Variants in ROBO2 observed in about 807,000 individuals in gnomAD.
ROBO2 encodes roundabout guidance receptor 2, also known as roundabout homolog 2.
ROBO2 carries 53 observed loss-of-function variants against 160.8 expected under a neutral mutation model. The ratio of observed to expected loss-of-function variants is 0.33; its 90% CI spans 0.26 to 0.41. The LOEUF (loss-of-function observed/expected upper bound fraction) is 0.41, where lower values mean the gene tolerates loss of function less well. Ranked by LOEUF, ROBO2 falls within the 10% of genes least tolerant of loss-of-function variation. The pLI, the probability that ROBO2 is intolerant of heterozygous loss-of-function variation, is 1.00. For missense variants in ROBO2, 1,577 were observed against 1,722.4 expected (o/e 0.92, Z 1.49); for synonymous variants, 664 against 611.7 (o/e 1.09, Z -1.26).
chr3:76,165,346 A>ATTT (rs35750191), intron 2 of ROBO2, among the ~76,000 whole-genome samples: 3 of 148,664 alleles, frequency 2.0e-5, no homozygotes, highest in Non-Finnish European at 3.0e-5. Context: ...CTGGCTTCCC[A>ATTT]TTTTTTTTTT....
intron 6 of ROBO2, among the ~76,000 whole-genome samples, chr3:77,533,011 G>A (rs916152221): frequency 3.9e-5 from 6 of 152,016 alleles, no homozygotes; most frequent in African/African-American, 7.2e-5. Flanking sequence ...ATTTCGTTTT[G>A]CATAGATTTT....
intron 2 of ROBO2, among the ~76,000 whole-genome samples, chr3:76,419,763 T>C (rs910470027): frequency 1.5e-4 from 23 of 152,166 alleles, no homozygotes; most frequent in Admixed American, 1.2e-3. Flanking sequence ...ATGGGAATCA[T>C]GTAGCTGAAT....
chr3:76,569,532 C>T lies in ROBO2; in HGVS notation c.110-528482C>T, dbSNP rs186362695. On this transcript the variant is annotated intron_variant, in intron 2 of 26. Coordinates refer to the ROBO2 transcript ENST00000487694. ...GAAATTATAAACAATGAATTATGCA[C>T]ATATACTAGTTTTACTATATATGGA... Among the ~76,000 whole-genome samples, 167 of 152,174 alleles carry T rather than the reference C, an allele frequency of 1.1e-3. 1 individual carries two copies. The highest frequency in any genetic ancestry group is 1.4e-3 in the Non-Finnish European group (95 of 68,014).
intron 2 of ROBO2, among the ~76,000 whole-genome samples, chr3:76,186,374 C>T (rs1262961569): frequency 1.3e-5 from 2 of 152,064 alleles, no homozygotes; most frequent in South Asian, 2.1e-4. Flanking sequence ...GTTTCAATTC[C>T]ATAATGTACT....
chr3:76,477,965 T>G (rs753010752), intron 2 of ROBO2, among the ~76,000 whole-genome samples: 79 of 152,132 alleles, frequency 5.2e-4, no homozygotes, highest in Non-Finnish European at 9.1e-4. Flanking sequence ...TTCAAAAAAC[T>G]TCTCAGCCTT....
At chr3:77,232,929 T>C (rs2087421476) in intron 2 of ROBO2, among the ~76,000 whole-genome samples, 1 of 152,216 alleles carries the variant, frequency 6.6e-6, no homozygotes, top group Admixed American at 6.5e-5. Context: ...AAATTATATA[T>C]GATTTCATTT....
intron 2 of ROBO2, among the ~76,000 whole-genome samples, chr3:76,840,016 T>G (rs1029498148): frequency 3.3e-5 from 5 of 152,192 alleles, no homozygotes; most frequent in Non-Finnish European, 5.9e-5. Context: ...TATAAAGTCC[T>G]CTATTTCATC....
intron 2 of ROBO2, among the ~76,000 whole-genome samples, chr3:76,048,863 G>A (rs773563167): frequency 1.3e-5 from 2 of 152,044 alleles, no homozygotes; most frequent in African/African-American, 4.8e-5. Flanking sequence ...ATGAGGGAAC[G>A]GAATTGTAAA....
At chr3:76,203,235 T>C (rs1702625728) in intron 2 of ROBO2, among the ~76,000 whole-genome samples, 1 of 152,190 alleles carries the variant, frequency 6.6e-6, no homozygotes, top group Admixed American at 6.5e-5. Flanking sequence ...ATCAATGGCC[T>C]TCCAGTTGGT....
chr3:76,984,651 G>A (rs1454078890), intron 2 of ROBO2, among the ~76,000 whole-genome samples: 1 of 151,916 alleles, frequency 6.6e-6, no homozygotes, highest in African/African-American at 2.4e-5. Context: ...GGAAGCCCTG[G>A]ATCTAAAACT....
At chr3:76,581,672 G>C (rs2085710654) in intron 2 of ROBO2, among the ~76,000 whole-genome samples, 1 of 152,034 alleles carries the variant, frequency 6.6e-6, no homozygotes, top group Admixed American at 6.6e-5. Flanking sequence ...CGGTAATGGA[G>C]AAGAAAAGAT....
At chr3:77,066,037 A>G (rs1436338543) in intron 1 of ROBO2, among the ~76,000 whole-genome samples, 3 of 152,138 alleles carry the variant, frequency 2.0e-5, no homozygotes, top group African/African-American at 7.2e-5. Context: ...TTTTAAAAAA[A>G]TGTGTATAAA....
chr3:77,566,768 G>C (rs1274249977), intron 12 of ROBO2, among the ~76,000 whole-genome samples: 3 of 151,986 alleles, frequency 2.0e-5, no homozygotes, highest in Non-Finnish European at 4.4e-5. Flanking sequence ...AGACTTCTGT[G>C]CTCTTAACAA....
exon 7 of ROBO2, chr3:77,546,419 G>A: frequency 6.2e-7 from 1 of 1,613,350 alleles, no homozygotes; most frequent in Non-Finnish European, 8.5e-7. Context: ...GAAACTAAAG[G>A]AAACCCACAG....
intron 16 of ROBO2, 122 bp from the exon 18 acceptor site, chr3:77,588,629 C>T: frequency 1.1e-6 from 1 of 929,908 alleles, no homozygotes. Context: ...TTGTGATAGG[C>T]TCAAAACTAA....
At chr3:77,196,616 T>C (rs2082334062) in intron 2 of ROBO2, among the ~76,000 whole-genome samples, 1 of 152,108 alleles carries the variant, frequency 6.6e-6, no homozygotes, top group African/African-American at 2.4e-5. Flanking sequence ...ATTGTGGCAG[T>C]TCAAGGGCAT....
intron 1 of ROBO2, among the ~76,000 whole-genome samples, chr3:75,912,681 G>A: frequency 6.6e-6 from 1 of 152,118 alleles, no homozygotes; most frequent in East Asian, 1.9e-4. Context: ...GTGGAATTAT[G>A]GGAAGGGTGA....
intron 2 of ROBO2, among the ~76,000 whole-genome samples, chr3:76,037,154 T>A (rs2067135731): frequency 6.6e-6 from 1 of 152,016 alleles, no homozygotes; most frequent in Non-Finnish European, 1.5e-5. Flanking sequence ...AATTCAGAAT[T>A]ATTTACTCAT....
chr3:77,479,409 C>T (rs2084413995), intron 3 of ROBO2, among the ~76,000 whole-genome samples: 1 of 152,128 alleles, frequency 6.6e-6, no homozygotes, highest in Admixed American at 6.5e-5. Flanking sequence ...GATAAGGAAA[C>T]TTCAGAGAGC....
Sources: allele counts gnomAD v4.1 joint callset (sites outside exome capture counted in the v4.1 genomes callset), GRCh38; gene constraint gnomAD v4.1.1; transcripts MANE v1.5; gene names NCBI Gene and HGNC (gene_info 2026-07-23, HGNC 2026-07-21).